Variants in LPAR5 observed in about 807,000 individuals in gnomAD.
LPAR5 encodes the protein lysophosphatidic acid receptor 5.
For synonymous variants in LPAR5, 271 were observed against 261.6 expected (o/e 1.04, Z -0.35); for missense variants, 544 against 521.8 (o/e 1.04, Z -0.41).
intron 1 of LPAR5, among the ~76,000 whole-genome samples, chr12:6,623,974 G>A (rs1277000724): frequency 6.6e-6 from 1 of 152,038 alleles, no homozygotes; most frequent in East Asian, 1.9e-4. Context: ...AAGCAAACAA[G>A]CAAACAAAAC....
In LPAR5 at chr12:6,620,638, A is replaced by G. The variant is rs754497463; in HGVS notation, c.611T>C (p.Leu204Pro). 3.9e-6 allele frequency: 6 copies of G among 1,554,014 alleles called. No homozygotes were observed. In the South Asian group the frequency reaches 7.1e-5, roughly 18 times the overall value. ...LAEALGFLLP[L>P]AAVVYSSGRV... ...GCCCGACGAGTAGACCACCGCCGCC[A>G]GGGGCAGCAGGAAGCCCAGCGCCTC... Residue 204 changes from leucine to proline, a missense_variant, in exon 2 of 2, where the codon CTG becomes CCG. Transcript: ENST00000329858. This position sits in a 1 kb window ranked among gnomAD's most constrained non-coding sequence, Gnocchi z 6.8.
chr12:6,621,279 G>A lies in LPAR5; in HGVS notation c.-31C>T. ...CAAAGTGGGATTGGGAGCTAGGCTG[G>A]GGATGCCATGGAGCACACCAGAATC... On this transcript the variant is annotated 5_prime_UTR_variant, in exon 2 of 2. Coordinates refer to ENST00000329858, the MANE Select transcript of LPAR5 (RefSeq NM_020400.6). The A allele has an allele frequency of 1.4e-6, 2 of 1,480,310 alleles. No individual in the cohort carries two copies. Among genetic ancestry groups the A allele is most frequent in the Non-Finnish European group, 1.8e-6 (2 of 1,115,882 alleles). The allele number at this position is 1,480,310 out of a possible 1,614,324, so 91.7% of individuals were successfully genotyped here.
intron 1 of LPAR5, among the ~76,000 whole-genome samples, chr12:6,627,578 C>T (rs1223470282): frequency 6.6e-6 from 1 of 152,094 alleles, no homozygotes; most frequent in Non-Finnish European, 1.5e-5. Flanking sequence ...GTGACAAAAG[C>T]GAAACTCCAT....
intron 1 of LPAR5, among the ~76,000 whole-genome samples, chr12:6,633,216 GCCACGGAGGCAGGC>G (rs901478339): frequency 2.0e-5 from 3 of 152,306 alleles, no homozygotes; most frequent in Non-Finnish European, 4.4e-5. Flanking sequence ...CCCAAGAGAA[GCCACGGAGGCAGGC>G]CCAGCCCCCT....
intron 1 of LPAR5, among the ~76,000 whole-genome samples, chr12:6,625,537 T>C (rs532026542): frequency 8.7e-4 from 131 of 149,890 alleles, no homozygotes; most frequent in South Asian, 3.8e-3. Flanking sequence ...CTGGCTAACA[T>C]GGTGAAACCT....
At chr12:6,631,020 C>G (rs1252432168) in intron 1 of LPAR5, among the ~76,000 whole-genome samples, 1 of 152,122 alleles carries the variant, frequency 6.6e-6, no homozygotes, top group Non-Finnish European at 1.5e-5. Context: ...GCAGCCCAGA[C>G]CCTCTCCCCC....
rs1948871635 is a variant in LPAR5 at position 6,619,816 on chromosome 12, T to C, written c.*314A>G. 6 of 506,938 alleles carry C rather than the reference T, an allele frequency of 1.2e-5. No individual in the cohort carries two copies. Among genetic ancestry groups the C allele is most frequent in the Admixed American group, 1.0e-4 (4 of 38,232 alleles). The allele number at this position is 506,938 out of a possible 1,614,324, so 31.4% of individuals were successfully genotyped here. On this transcript the variant is annotated 3_prime_UTR_variant, in exon 2 of 2. Transcript: ENST00000329858. ...ATTTTCTGTTCCATCTAACCAGCTTTTAGCAGTTTAATGCCCTGCCCACCC... is the reference window on the plus strand; with the variant it reads ...ATTTTCTGTTCCATCTAACCAGCTTCTAGCAGTTTAATGCCCTGCCCACCC...
At chr12:6,622,985 T>C (rs1010078818) in intron 1 of LPAR5, among the ~76,000 whole-genome samples, 2 of 151,112 alleles carry the variant, frequency 1.3e-5, no homozygotes, top group African/African-American at 2.4e-5. Flanking sequence ...ACACCTGTAA[T>C]CCAGCACTTT....
At chr12:6,628,631 CTTTTTTTTTTT>C (rs1179212069) in intron 1 of LPAR5, among the ~76,000 whole-genome samples, 1 of 126,054 alleles carries the variant, frequency 7.9e-6, no homozygotes, top group Non-Finnish European at 1.7e-5. Context: ...CAGCTAATTT[CTTTTTTTTTTT>C]TTTTTTTGAG....
At chr12:6,628,064 C>T (rs1397815025) in intron 1 of LPAR5, among the ~76,000 whole-genome samples, 3 of 129,792 alleles carry the variant, frequency 2.3e-5, no homozygotes, top group African/African-American at 5.6e-5. Flanking sequence ...CTCTGTCGTC[C>T]GGGCTGGAGT....
rs1025078934 is a variant in LPAR5, at chr12:6,619,830, C to T, written c.*300G>A. ...CTAACCAGCTTTTAGCAGTTTAATG[C>T]CCTGCCCACCCAAAGGCATTTCGTC... On this transcript the variant is annotated 3_prime_UTR_variant, in exon 2 of 2. Transcript: ENST00000329858. 7 of 558,100 alleles carry T rather than the reference C, an allele frequency of 1.3e-5. No individual in the cohort carries two copies. The highest frequency in any genetic ancestry group is 1.2e-4 in the Admixed American group (5 of 42,132). The allele number at this position is 558,100 out of a possible 1,614,324, so 34.6% of individuals were successfully genotyped here.
chr12:6,625,147 C>T (rs2886271), intron 1 of LPAR5, among the ~76,000 whole-genome samples: 33,712 of 151,538 alleles, frequency 0.22, 5,081 homozygotes, highest in African/African-American at 0.43. Flanking sequence ...CTGTTTAGGC[C>T]GGGCGTGGTG....
intron 1 of LPAR5, 65 bp from the exon 2 acceptor site, chr12:6,621,529 C>T (rs568397306): frequency 4.9e-5 from 16 of 325,398 alleles, no homozygotes; most frequent in Admixed American, 9.8e-5. Context: ...TGTTTAGCTC[C>T]ACTGGCAGGC....
chr12:6,628,028 C>CTTTTTTTT (rs71067128), intron 1 of LPAR5, among the ~76,000 whole-genome samples: 3,778 of 134,414 alleles, frequency 0.028, 228 homozygotes, highest in African/African-American at 0.063. Flanking sequence ...TTTCTTTTTT[C>CTTTTTTTT]TTTTTTTTTT....
intron 1 of LPAR5, among the ~76,000 whole-genome samples, chr12:6,624,607 TTC>T (rs2136241778): frequency 6.6e-6 from 1 of 152,330 alleles, no homozygotes; most frequent in South Asian, 2.1e-4. Flanking sequence ...GTAAAGGAAT[TTC>T]TTTTTTTTTC....
intron 1 of LPAR5, among the ~76,000 whole-genome samples, chr12:6,627,922 A>T (rs1346020834): frequency 6.7e-6 from 1 of 149,650 alleles, no homozygotes; most frequent in East Asian, 2.0e-4. Flanking sequence ...GTAAAAGACC[A>T]CTTCCCTTAA....
intron 1 of LPAR5, 125 bp downstream of exon 1, chr12:6,635,782 G>C (rs1311104295): frequency 6.6e-6 from 1 of 152,304 alleles, no homozygotes; most frequent in African/African-American, 2.4e-5. Context: ...TTTTTACTCT[G>C]TTCAGAAGGG....
At chr12:6,626,714 C>T (rs1219785377) in intron 1 of LPAR5, among the ~76,000 whole-genome samples, 1 of 152,210 alleles carries the variant, frequency 6.6e-6, no homozygotes, top group East Asian at 1.9e-4. Flanking sequence ...TGTGGTGTTT[C>T]TTCAACTTGG....
chr12:6,620,507 C>G lies in LPAR5; in HGVS notation c.742G>C (p.Val248Leu). 1.3e-6 allele frequency: 2 copies of G among 1,584,672 alleles called. No homozygotes were observed. Among genetic ancestry groups the G allele is most frequent in the Non-Finnish European group, 1.7e-6 (2 of 1,165,782 alleles). ...ACCGCCAGCGTGCTGTTGTAGGGCA[C>G]GAAGCACAGCAGGAAGATGACGAGG... ...ANLVIFLLCF[V>L]PYNSTLAVYG... The change falls in exon 2 of 2, where the codon GTG becomes CTG. Residue 248 changes from valine to leucine, a missense_variant. Physicochemically the swap from Val to Leu is conservative, Grantham distance 32. Coordinates refer to ENST00000329858, the MANE Select transcript of LPAR5 (RefSeq NM_020400.6). This position sits in a 1 kb window ranked among gnomAD's most constrained non-coding sequence, Gnocchi z 6.8.
Sources: allele counts gnomAD v4.1 joint callset (sites outside exome capture counted in the v4.1 genomes callset), GRCh38; gene constraint gnomAD v4.1.1; non-coding constraint Gnocchi (gnomAD v3.1); transcripts MANE v1.5; gene names NCBI Gene and HGNC (gene_info 2026-07-23, HGNC 2026-07-21).